Variants in GLMN observed in about 807,000 individuals in gnomAD.
The protein encoded by GLMN is glomulin.
GLMN carries 75 observed loss-of-function variants against 87.8 expected under a neutral mutation model. The observed-to-expected ratio is 0.85, with a 90% CI of 0.71 to 1.04. The LOEUF is 1.04. GLMN is among the 50% of genes least tolerant of loss of function. The probability of loss-of-function intolerance (pLI) is 0.00; values close to 1 mark genes in which losing one functional copy is unlikely to be tolerated. For synonymous variants in GLMN, 206 were observed against 221.6 expected (o/e 0.93, Z 0.63); for missense variants, 588 against 658.8 (o/e 0.89, Z 1.18).
intron 16 of GLMN, among the ~76,000 whole-genome samples, chr1:92,253,242 T>A (rs1327113694): frequency 6.6e-6 from 1 of 152,054 alleles, no homozygotes; most frequent in Non-Finnish European, 1.5e-5. Flanking sequence ...GGGCAGGGCA[T>A]CTCTGAAAGA....
chr1:92,337,099 T>C, the GLMN span, among the ~76,000 whole-genome samples: 4 of 152,152 alleles, frequency 2.6e-5, no homozygotes, highest in African/African-American at 4.8e-5. Flanking sequence ...CAAATGCCAG[T>C]GACCAAATAT....
the GLMN span, chr1:92,304,377 A>C: frequency 1.5e-6 from 2 of 1,373,440 alleles, no homozygotes; most frequent in Admixed American, 2.4e-5. Flanking sequence ...CATTGTGGCA[A>C]TTAATTTTTT....
chr1:92,367,029 A>G, the GLMN span, among the ~76,000 whole-genome samples: 1 of 152,244 alleles, frequency 6.6e-6, no homozygotes, highest in African/African-American at 2.4e-5. Flanking sequence ...CCATGCAGGA[A>G]GAAAATATTG....
At chr1:92,279,623 A>C (rs1647734970) in intron 7 of GLMN, among the ~76,000 whole-genome samples, 1 of 152,110 alleles carries the variant, frequency 6.6e-6, no homozygotes, top group Non-Finnish European at 1.5e-5. Flanking sequence ...GGTGCAGCCC[A>C]CGGAGGGCAA....
In GLMN at chr1:92,269,663, T is replaced by G. The variant is rs774934464; in HGVS notation, c.977+60A>C. 209 of 1,109,166 alleles carry G rather than the reference T, an allele frequency of 1.9e-4. 1 individual carries two copies. Among genetic ancestry groups the G allele is most frequent in the South Asian group, 6.7e-4 (54 of 80,990 alleles). 68.7% of individuals were successfully genotyped at this position (1,109,166 alleles called of 1,614,324 possible). A position where few individuals can be genotyped will look rare whatever the true frequency, so the allele number is the denominator to read the frequency against. On this transcript the variant is annotated intron_variant, in intron 9 of 18. Coordinates refer to ENST00000370360, the MANE Select transcript of GLMN (RefSeq NM_053274.3). ...AAAGAAAAGGCAGTCTCCGCTGATC[T>G]TAACAAGGACTATTTTAACACTACT...
the GLMN span, among the ~76,000 whole-genome samples, chr1:92,319,554 G>A: frequency 3.3e-5 from 5 of 152,102 alleles, no homozygotes. Flanking sequence ...AGTGGGGAGC[G>A]AGGGGTTGTT....
At chr1:92,362,635 C>A in the GLMN span, among the ~76,000 whole-genome samples, 2 of 152,176 alleles carry the variant, frequency 1.3e-5, no homozygotes, top group South Asian at 2.1e-4. Flanking sequence ...CTGCTCAAAA[C>A]TGCTTGGTGA....
At chr1:92,357,065 CAAAAAAAA>C in the GLMN span, among the ~76,000 whole-genome samples, 1 of 117,020 alleles carries the variant, frequency 8.5e-6, no homozygotes, top group Non-Finnish European at 1.8e-5. Flanking sequence ...GACTCTGTCT[CAAAAAAAA>C]AAAAGAAAAA....
chr1:92,301,224 C>T (rs6695475), upstream of GLMN, among the ~76,000 whole-genome samples: 8,113 of 152,196 alleles, frequency 0.053, 574 homozygotes, highest in African/African-American at 0.17. Flanking sequence ...TGGCTTATGC[C>T]GGTGATCCCA....
chr1:92,333,427 C>T, the GLMN span: 1 of 1,613,628 alleles, frequency 6.2e-7, no homozygotes, highest in Non-Finnish European at 8.5e-7. Context: ...CTCAAGTTCC[C>T]AGAACCAGAT....
chr1:92,349,954 C>T, the GLMN span, among the ~76,000 whole-genome samples: 1 of 152,076 alleles, frequency 6.6e-6, no homozygotes. Flanking sequence ...TGGACCATAA[C>T]ATGTAATTTA....
chr1:92,344,576 A>C, the GLMN span, among the ~76,000 whole-genome samples: 2 of 151,438 alleles, frequency 1.3e-5, no homozygotes, highest in South Asian at 4.2e-4. Flanking sequence ...TTTAACACAC[A>C]TTTTTTTTAT....
At chr1:92,297,290 C>A in intron 3 of GLMN, 114 bp downstream of exon 3, 2 of 1,386,226 alleles carry the variant, frequency 1.4e-6, no homozygotes, top group Non-Finnish European at 2.0e-6. Context: ...CAGTTCCCTA[C>A]TGTGAAAATT....
At chr1:92,314,949 G>A in the GLMN span, among the ~76,000 whole-genome samples, 7,299 of 151,940 alleles carry the variant, frequency 0.048, 600 homozygotes, top group African/African-American at 0.17. Context: ...GGAGGCTGAG[G>A]TGCGAGAATC....
chr1:92,317,368 C>T, the GLMN span, among the ~76,000 whole-genome samples: 1 of 151,982 alleles, frequency 6.6e-6, no homozygotes, highest in African/African-American at 2.4e-5. Flanking sequence ...ATGAGCTGGG[C>T]GTAGTGGCGG....
the GLMN span, among the ~76,000 whole-genome samples, chr1:92,322,065 C>T: frequency 6.6e-6 from 1 of 150,912 alleles, no homozygotes; most frequent in East Asian, 2.0e-4. Context: ...CCTGCCTCAG[C>T]CTCCTGAGTA....
chr1:92,314,159 C>A, the GLMN span, among the ~76,000 whole-genome samples: 1 of 152,178 alleles, frequency 6.6e-6, no homozygotes, highest in Non-Finnish European at 1.5e-5. Context: ...TCACAACTTG[C>A]GTACTGGCAA....
intron 12 of GLMN, 64 bp downstream of exon 12, chr1:92,266,632 AAATT>A (rs1311413649): frequency 1.4e-5 from 18 of 1,293,266 alleles, no homozygotes; most frequent in Non-Finnish European, 1.9e-5. Flanking sequence ...TTTAAAAAGA[AAATT>A]AAATTATTTG....
chr1:92,366,690 A>C, the GLMN span, among the ~76,000 whole-genome samples: 39,282 of 152,196 alleles, frequency 0.26, 6,519 homozygotes, highest in Non-Finnish European at 0.35. Flanking sequence ...GCTAAGGAGC[A>C]TGCAGTATAT....
Sources: gnomAD v4.1 joint callset for allele counts (sites outside exome capture counted in the v4.1 genomes callset) on GRCh38, gnomAD v4.1.1 for gene constraint, MANE v1.5 for transcripts, NCBI Gene and HGNC (gene_info 2026-07-23, HGNC 2026-07-21) for gene names.